The following ARK2C variants were observed in gnomAD, a reference collection of about 807,000 sequenced individuals.
The protein encoded by ARK2C is arkadia (RNF111) C-terminal like ring finger ubiquitin ligase 2C.
At chr18:46,439,010 G>A in the ARK2C span, among the ~76,000 whole-genome samples, 1 of 152,352 alleles carries the variant, frequency 6.6e-6, no homozygotes, top group Admixed American at 6.5e-5. Context: ...TCTTCTGACA[G>A]CTGCTGCTGT....
the ARK2C span, among the ~76,000 whole-genome samples, chr18:46,441,861 C>CAAA: frequency 0.043 from 5,181 of 121,660 alleles, 108 homozygotes; most frequent in Middle Eastern, 0.053. Flanking sequence ...GACTCCATCT[C>CAAA]AAAAAAAAAA....
chr18:46,380,348 C>T, the ARK2C span, among the ~76,000 whole-genome samples: 9 of 152,134 alleles, frequency 5.9e-5, no homozygotes, highest in Non-Finnish European at 8.8e-5. Flanking sequence ...GGGGAGTGTG[C>T]GCAGGGGACA....
the ARK2C span, chr18:46,447,436 T>A: frequency 6.1e-6 from 6 of 982,360 alleles, no homozygotes; most frequent in African/African-American, 8.0e-5. Context: ...CTGGGAGATG[T>A]AAAGTTCCTT....
At chr18:46,361,974 A>C in the ARK2C span, among the ~76,000 whole-genome samples, 1 of 152,282 alleles carries the variant, frequency 6.6e-6, no homozygotes, top group Admixed American at 6.5e-5. Context: ...CATTGAAGAT[A>C]ATAGCTCATT....
At chr18:46,401,787 A>T in the ARK2C span, among the ~76,000 whole-genome samples, 1 of 152,170 alleles carries the variant, frequency 6.6e-6, no homozygotes, top group East Asian at 1.9e-4. Flanking sequence ...CTTGGAGAGG[A>T]TCTCCTTCTA....
At chr18:46,444,254 C>T in the ARK2C span, among the ~76,000 whole-genome samples, 1 of 152,028 alleles carries the variant, frequency 6.6e-6, no homozygotes, top group Admixed American at 6.6e-5. Flanking sequence ...TGTTATCCTG[C>T]TTAAAGTTTA....
the ARK2C span, chr18:46,337,593 C>T: frequency 2.0e-5 from 20 of 984,820 alleles, no homozygotes; most frequent in Non-Finnish European, 2.4e-5. Context: ...TTGTTACACA[C>T]AGAATCCACT....
the ARK2C span, chr18:46,447,730 G>A: frequency 1.2e-6 from 2 of 1,613,738 alleles, no homozygotes; most frequent in Non-Finnish European, 1.7e-6. Context: ...CGCCTATTGA[G>A]TGCCAGTGGT....
the ARK2C span, among the ~76,000 whole-genome samples, chr18:46,406,731 G>A: frequency 4.6e-5 from 7 of 152,250 alleles, no homozygotes; most frequent in Admixed American, 2.6e-4. Context: ...GCCAGCCACC[G>A]GTAATGCAGC....
At chr18:46,401,367 G>A in the ARK2C span, among the ~76,000 whole-genome samples, 1 of 152,106 alleles carries the variant, frequency 6.6e-6, no homozygotes, top group African/African-American at 2.4e-5. Flanking sequence ...ATGTCAGTCA[G>A]GGACATTTTT....
At chr18:46,416,776 A>C in the ARK2C span, among the ~76,000 whole-genome samples, 1 of 152,236 alleles carries the variant, frequency 6.6e-6, no homozygotes, top group Non-Finnish European at 1.5e-5. Context: ...CCAGCAGGTT[A>C]GCCTGGGCTT....
the ARK2C span, among the ~76,000 whole-genome samples, chr18:46,424,251 T>C: frequency 2.6e-5 from 4 of 152,138 alleles, no homozygotes; most frequent in Non-Finnish European, 5.9e-5. Flanking sequence ...AGGGTGGCAG[T>C]GCCAGAGGGC....
At chr18:46,374,453 C>T in the ARK2C span, among the ~76,000 whole-genome samples, 3 of 152,206 alleles carry the variant, frequency 2.0e-5, no homozygotes, top group South Asian at 6.2e-4. Flanking sequence ...GCCTTTATTC[C>T]ACTTTCTGTC....
the ARK2C span, among the ~76,000 whole-genome samples, chr18:46,347,293 C>T: frequency 3.3e-5 from 5 of 152,302 alleles, no homozygotes; most frequent in South Asian, 2.1e-4. Context: ...TCTGGAGCAT[C>T]GGGCCCTCTC....
At chr18:46,406,043 C>T in the ARK2C span, among the ~76,000 whole-genome samples, 1 of 152,094 alleles carries the variant, frequency 6.6e-6, no homozygotes, top group South Asian at 2.1e-4. Context: ...CCCTTACACA[C>T]CCATGTACAC....
chr18:46,405,546 G>T, the ARK2C span, among the ~76,000 whole-genome samples: 1 of 152,158 alleles, frequency 6.6e-6, no homozygotes, highest in South Asian at 2.1e-4. Context: ...TGGGTGAAAG[G>T]TTGGAGAGAG....
At chr18:46,441,960 C>T in the ARK2C span, among the ~76,000 whole-genome samples, 3 of 151,186 alleles carry the variant, frequency 2.0e-5, no homozygotes, top group African/African-American at 7.3e-5. Flanking sequence ...GTCAGGGGAT[C>T]GAGACCATCC....
At chr18:46,456,889 G>GC in the ARK2C span, 4 of 477,120 alleles carry the variant, frequency 8.4e-6, no homozygotes, top group African/African-American at 7.8e-5. Flanking sequence ...GGTGCCCAGC[G>GC]CAAGGGCGGG....
At chr18:46,462,390 G>C in the ARK2C span, 2 of 152,692 alleles carry the variant, frequency 1.3e-5, no homozygotes, top group Non-Finnish European at 2.9e-5. Flanking sequence ...GCCTTTACCT[G>C]GTGGGGATGA....
Sources: allele counts gnomAD v4.1 joint callset (sites outside exome capture counted in the v4.1 genomes callset), GRCh38; gene constraint gnomAD v4.1.1; transcripts MANE v1.5; gene names NCBI Gene and HGNC (gene_info 2026-07-23, HGNC 2026-07-21).